Variants in MBNL1 observed in about 807,000 individuals in gnomAD.
MBNL1 encodes the protein muscleblind-like protein 1.
In MBNL1, 8 loss-of-function variants were observed where a neutral mutation model predicts 42.2. That is an observed-to-expected ratio of 0.19 (90% CI 0.11 to 0.34). MBNL1 has a LOEUF of 0.34. Among genes scored for constraint, MBNL1 ranks in the 10% least tolerant of loss-of-function variants. The probability of loss-of-function intolerance (pLI) is 1.00; values close to 1 mark genes in which losing one functional copy is unlikely to be tolerated. For synonymous variants in MBNL1, 169 were observed against 173.9 expected, an observed-to-expected ratio of 0.97 and a Z score of 0.22; for missense variants, 309 against 495.3, an observed-to-expected ratio of 0.62 and a Z score of 3.57.
intron 2 of MBNL1, among the ~76,000 whole-genome samples, chr3:152,377,831 GA>G (rs758974750): frequency 2.6e-5 from 4 of 152,302 alleles, no homozygotes; most frequent in South Asian, 2.1e-4. Flanking sequence ...TAAGGTATAG[GA>G]AATCTTCGCT....
At chr3:152,258,759 C>T (rs1185154947) in intron 2 of MBNL1, among the ~76,000 whole-genome samples, 3 of 152,222 alleles carry the variant, frequency 2.0e-5, no homozygotes, top group Non-Finnish European at 1.5e-5. Flanking sequence ...CTTCTTTCAT[C>T]ATGGGAAGGA....
At chr3:152,446,993 C>G (rs555828736) in intron 5 of MBNL1, among the ~76,000 whole-genome samples, 57 of 152,066 alleles carry the variant, frequency 3.7e-4, no homozygotes, top group Non-Finnish European at 7.4e-4. Context: ...TTCAGTTTAA[C>G]TACATTGTAG....
intron 3 of MBNL1, among the ~76,000 whole-genome samples, chr3:152,420,704 C>G (rs1275726823): frequency 6.6e-6 from 1 of 152,194 alleles, no homozygotes. Context: ...ACCAGATTGC[C>G]TCTTCTTCTC....
intron 2 of MBNL1, among the ~76,000 whole-genome samples, chr3:152,304,268 G>A (rs545324455): frequency 2.0e-5 from 3 of 152,248 alleles, no homozygotes; most frequent in Non-Finnish European, 4.4e-5. Flanking sequence ...AGTCCCAAAG[G>A]TGGTTATAGT....
At chr3:152,245,830 T>G (rs1409433868) in intron 2 of MBNL1, among the ~76,000 whole-genome samples, 1 of 152,184 alleles carries the variant, frequency 6.6e-6, no homozygotes, top group Non-Finnish European at 1.5e-5. Flanking sequence ...GAATCAAATT[T>G]GACATACTTA....
rs192794882 is a variant in MBNL1 at position 152,303,490 on chromosome 3, T to C, written c.174+3123T>C. On this transcript the variant is annotated intron_variant, in intron 2 of 9. Transcript: ENST00000324210. ...CAGAAATCCAGAACATTTGCAAAGG[T>C]GCATTATTTTATGCCAAAGAGGATT... 2.6e-5 allele frequency among the ~76,000 whole-genome samples: 4 copies of C among 152,238 alleles called. No homozygotes were observed. The East Asian group carries it at 7.7e-4, about 29-fold the overall frequency.
Position 152,329,758 on chromosome 3 carries a change from A to G in MBNL1, c.174+29391A>G, listed in dbSNP as rs966355219. ...TAATATATATAAGAAATATATATAT[A>G]ATTTCTTTCAAAACCGGTCAAAGTT... On this transcript the variant is annotated intron_variant, in intron 2 of 9. Transcript: ENST00000324210. Among the ~76,000 whole-genome samples the G allele has an allele frequency of 5.4e-5, 8 of 147,968 alleles. 1 individual carries two copies. In the Middle Eastern group the frequency reaches 0.025, roughly 466 times the overall value.
intron 3 of MBNL1, among the ~76,000 whole-genome samples, chr3:152,415,543 A>G (rs1271136424): frequency 2.6e-5 from 4 of 152,330 alleles, no homozygotes; most frequent in Non-Finnish European, 5.9e-5. Flanking sequence ...AAGAATGTGT[A>G]TAGTTCTTTT....
At chr3:152,379,586 C>T (rs949320424) in intron 2 of MBNL1, among the ~76,000 whole-genome samples, 3 of 152,146 alleles carry the variant, frequency 2.0e-5, no homozygotes, top group African/African-American at 7.2e-5. Flanking sequence ...TAAGCACTGA[C>T]GTAATACTTT....
chr3:152,457,397 G>C (rs760370248), intron 8 of MBNL1, among the ~76,000 whole-genome samples: 1 of 152,182 alleles, frequency 6.6e-6, no homozygotes, highest in Non-Finnish European at 1.5e-5. Flanking sequence ...CCTTGGGAAG[G>C]GAAGACCAAT....
At chr3:152,391,909 A>C (rs747808757) in intron 2 of MBNL1, among the ~76,000 whole-genome samples, 4 of 152,162 alleles carry the variant, frequency 2.6e-5, no homozygotes, top group Non-Finnish European at 4.4e-5. Context: ...AATTCTGATG[A>C]ATGCATTCCA....
At chr3:152,296,571 G>A (rs571856363) in intron 1 of MBNL1, among the ~76,000 whole-genome samples, 84 of 152,218 alleles carry the variant, frequency 5.5e-4, no homozygotes, top group African/African-American at 1.9e-3. Context: ...AAAGGCTGCC[G>A]TGTGCAATGA....
chr3:152,339,686 C>T (rs2092588991), intron 2 of MBNL1: 1 of 152,018 alleles, frequency 6.6e-6, no homozygotes, highest in Non-Finnish European at 1.5e-5. Context: ...CATTGGAGCC[C>T]TTTAATTTCA....
intron 2 of MBNL1, among the ~76,000 whole-genome samples, chr3:152,391,212 A>G (rs2097702057): frequency 6.6e-6 from 1 of 152,226 alleles, no homozygotes; most frequent in South Asian, 2.1e-4. Flanking sequence ...AGTTCCTACT[A>G]TTAAGCACTC....
rs185894411 is a variant in MBNL1, at chr3:152,300,288, C to T, written c.95C>T (p.Thr32Met). The T allele has an allele frequency of 1.9e-5, 31 of 1,613,738 alleles. No homozygotes were observed. The highest frequency in any genetic ancestry group is 8.3e-5 in the Admixed American group (5 of 60,008). The part of the protein sequence containing the change: ...FQRGTCSRPD[T>M]ECKFAHPSKS... The stretch of plus-strand genomic sequence containing the variant: ...AGGGGGACTTGCTCACGGCCAGACA[C>T]GGAATGTAAATTTGCACATCCTTCG... Residue 32 changes from threonine (T) to methionine (M), a missense_variant, in exon 2 of 10, where the codon ACG becomes ATG. Physicochemically the swap from Thr to Met is moderately conservative, Grantham distance 81. Coordinates refer to ENST00000324210, the MANE Select transcript of MBNL1 (RefSeq NM_021038.5).
At chr3:152,264,099 G>A (rs79292929), upstream of MBNL1, 5,589 of 151,156 alleles carry the variant, frequency 0.037, 144 homozygotes, top group South Asian at 0.067. Flanking sequence ...ATTTCATAGC[G>A]CTTATCTCCA....
intron 1 of MBNL1, among the ~76,000 whole-genome samples, chr3:152,284,282 C>T (rs1434404167): frequency 6.6e-6 from 1 of 152,044 alleles, no homozygotes; most frequent in Non-Finnish European, 1.5e-5. Context: ...AAACACACTC[C>T]TGTAATTTTT....
intron 1 of MBNL1, among the ~76,000 whole-genome samples, chr3:152,288,853 T>G (rs1399319313): frequency 6.6e-6 from 1 of 152,184 alleles, no homozygotes; most frequent in Non-Finnish European, 1.5e-5. Flanking sequence ...AAAAACTGAT[T>G]TTACAAATGT....
chr3:152,456,649 T>C (rs187628507), intron 8 of MBNL1, among the ~76,000 whole-genome samples: 3 of 152,344 alleles, frequency 2.0e-5, no homozygotes, highest in Middle Eastern at 3.4e-3. Context: ...CAATTCTCAA[T>C]TGGTTTCAAC....
Sources: gnomAD v4.1 joint callset for allele counts (sites outside exome capture counted in the v4.1 genomes callset) on GRCh38, gnomAD v4.1.1 for gene constraint, MANE v1.5 for transcripts, NCBI Gene and HGNC (gene_info 2026-07-23, HGNC 2026-07-21) for gene names.